The following INPP4B variants were observed in gnomAD, a reference collection of about 807,000 sequenced individuals.
INPP4B encodes the protein inositol polyphosphate-4-phosphatase type II B, also known as inositol polyphosphate 4-phosphatase type II.
A neutral mutation model predicts 122.5 loss-of-function variants in INPP4B; 55 were observed. That is an observed-to-expected ratio of 0.45 (90% CI 0.36 to 0.56). INPP4B has a LOEUF of 0.56. INPP4B is among the 20% of genes least tolerant of loss of function. The pLI, the probability that INPP4B is intolerant of heterozygous loss-of-function variation, is 0.00. For missense variants in INPP4B, 1,000 were observed against 1,097.7 expected (o/e 0.91, Z 1.26); for synonymous variants, 403 against 388.7 (o/e 1.04, Z -0.43).
chr4:142,260,235 C>T (rs1323883377), intron 11 of INPP4B, among the ~76,000 whole-genome samples: 2 of 152,124 alleles, frequency 1.3e-5, no homozygotes, highest in Non-Finnish European at 2.9e-5. Flanking sequence ...CCGCCCGCCT[C>T]GGCCTCCCAA....
chr4:142,625,170 T>C (rs1335485321), intron 2 of INPP4B, among the ~76,000 whole-genome samples: 1 of 151,410 alleles, frequency 6.6e-6, no homozygotes, highest in Non-Finnish European at 1.5e-5. Context: ...GGTATTCAAT[T>C]AGGAAAAGAG....
intron 6 of INPP4B, 39 bp from the exon 7 acceptor site, chr4:142,403,093 CA>C (rs1802178782): frequency 3.5e-6 from 4 of 1,128,484 alleles, no homozygotes; most frequent in African/African-American, 3.0e-5. Flanking sequence ...TTCAATAAGG[CA>C]GCAACTGTAG....
At chr4:142,813,790 T>C (rs1779795688) in intron 1 of INPP4B, among the ~76,000 whole-genome samples, 1 of 152,206 alleles carries the variant, frequency 6.6e-6, no homozygotes, top group African/African-American at 2.4e-5. Context: ...TAACCTCTTA[T>C]CTCTCCCTTC....
chr4:142,034,382 G>A (rs1397266946), intron 25 of INPP4B, among the ~76,000 whole-genome samples: 6 of 152,058 alleles, frequency 3.9e-5, no homozygotes, highest in Non-Finnish European at 5.9e-5. Context: ...CACCCAGCCC[G>A]AATGTCACTG....
At chr4:142,490,864 G>C (rs1821784840) in intron 2 of INPP4B, among the ~76,000 whole-genome samples, 2 of 152,024 alleles carry the variant, frequency 1.3e-5, no homozygotes, top group African/African-American at 2.4e-5. Context: ...TTATCCTCCA[G>C]GTTCATCCAT....
chr4:142,605,523 C>T (rs932711583), intron 2 of INPP4B, among the ~76,000 whole-genome samples: 22 of 151,994 alleles, frequency 1.4e-4, no homozygotes, highest in African/African-American at 5.3e-4. Flanking sequence ...TTGCAAATTA[C>T]TTATCCAACA....
At chr4:142,691,580 T>A (rs1008117584) in intron 2 of INPP4B, among the ~76,000 whole-genome samples, 2 of 152,040 alleles carry the variant, frequency 1.3e-5, no homozygotes, top group African/African-American at 2.4e-5. Context: ...AACCCAGATT[T>A]AGAAAAAACA....
At chr4:142,206,089 A>G (rs1842479441) in intron 14 of INPP4B, among the ~76,000 whole-genome samples, 1 of 152,148 alleles carries the variant, frequency 6.6e-6, no homozygotes, top group African/African-American at 2.4e-5. Flanking sequence ...TTTACATGGT[A>G]GAAGGTGGAA....
intron 1 of INPP4B, among the ~76,000 whole-genome samples, chr4:142,738,368 C>T (rs1188260083): frequency 4.6e-5 from 7 of 152,002 alleles, no homozygotes; most frequent in Admixed American, 1.3e-4. Context: ...GACAAAAAAC[C>T]AAACACCGCA....
chr4:142,567,336 C>T (rs966892378), intron 2 of INPP4B, among the ~76,000 whole-genome samples: 6 of 152,146 alleles, frequency 3.9e-5, no homozygotes, highest in Non-Finnish European at 8.8e-5. Context: ...GAGAGCACAG[C>T]TGCCCTGACA....
intron 7 of INPP4B, among the ~76,000 whole-genome samples, chr4:142,340,496 C>T (rs1052501578): frequency 1.3e-5 from 2 of 152,098 alleles, no homozygotes; most frequent in Non-Finnish European, 2.9e-5. Context: ...TTGCCTCCAA[C>T]TCCGGGGCTC....
At position 142,123,418 on chromosome 4, in the gene INPP4B, G is replaced by GA. The variant is rs202239255; in HGVS notation, c.1894-4dup. 3.9e-4 allele frequency: 619 copies of GA among 1,574,714 alleles called. 1 individual carries two copies. Among genetic ancestry groups the GA allele is most frequent in the Middle Eastern group, 1.0e-3 (6 of 5,858 alleles). On this transcript the variant is annotated splice_polypyrimidine_tract_variant and splice_region_variant and intron_variant, in intron 19 of 25. Coordinates refer to ENST00000262992, the MANE Select transcript of INPP4B (RefSeq NM_001101669.3). ...AAACCACAAACCAATCCAGCAAGCTGAAAAAAAAATATTGATGAGATTTAC... is the reference window on the plus strand; with the variant it reads ...AAACCACAAACCAATCCAGCAAGCTGAAAAAAAAAATATTGATGAGATTTAC...
At chr4:142,603,214 T>C (rs1380137460) in intron 2 of INPP4B, among the ~76,000 whole-genome samples, 1 of 151,828 alleles carries the variant, frequency 6.6e-6, no homozygotes, top group Non-Finnish European at 1.5e-5. Context: ...ACAACACACA[T>C]TGGGGCCTGT....
intron 21 of INPP4B, among the ~76,000 whole-genome samples, chr4:142,120,828 G>GT (rs1043508502): frequency 2.6e-5 from 4 of 152,086 alleles, no homozygotes; most frequent in Non-Finnish European, 5.9e-5. Flanking sequence ...TGAATTTGTG[G>GT]TGTGCATCCA....
chr4:142,373,946 G>C (rs1790866067), intron 7 of INPP4B, among the ~76,000 whole-genome samples: 1 of 151,758 alleles, frequency 6.6e-6, no homozygotes, highest in South Asian at 2.1e-4. Flanking sequence ...GTCGTGCATT[G>C]AGCAGCCACG....
intron 3 of INPP4B, among the ~76,000 whole-genome samples, chr4:142,445,055 G>A (rs1358152774): frequency 6.6e-6 from 1 of 152,020 alleles, no homozygotes; most frequent in East Asian, 1.9e-4. Context: ...AGGACAAATA[G>A]CTAATGCATA....
At chr4:142,295,757 T>A (rs922229594) in intron 9 of INPP4B, among the ~76,000 whole-genome samples, 1 of 152,012 alleles carries the variant, frequency 6.6e-6, no homozygotes, top group Non-Finnish European at 1.5e-5. Context: ...CTTTTCTTTT[T>A]TTTTTAGAGG....
intron 7 of INPP4B, among the ~76,000 whole-genome samples, chr4:142,331,303 T>A (rs1273526406): frequency 6.6e-6 from 1 of 152,134 alleles, no homozygotes; most frequent in Admixed American, 6.6e-5. Flanking sequence ...AAGGGACATG[T>A]AGGATCAGCT....
intron 2 of INPP4B, among the ~76,000 whole-genome samples, chr4:142,592,067 G>A (rs1483791046): frequency 6.6e-6 from 1 of 152,160 alleles, no homozygotes; most frequent in Non-Finnish European, 1.5e-5. Flanking sequence ...TGCACAAAAT[G>A]TTAATAATAG....
Sources: gnomAD v4.1 joint callset for allele counts (sites outside exome capture counted in the v4.1 genomes callset) on GRCh38, gnomAD v4.1.1 for gene constraint, MANE v1.5 for transcripts, NCBI Gene and HGNC (gene_info 2026-07-23, HGNC 2026-07-21) for gene names.